LRP2: variants seen among roughly 807,000 people sequenced by gnomAD.
The protein encoded by LRP2 is LDL receptor related protein 2.
In LRP2, 172 loss-of-function variants were observed where a neutral mutation model predicts 531.0. That is an observed-to-expected ratio of 0.32 (90% confidence interval 0.29 to 0.37). The LOEUF is 0.37. Ranked by LOEUF, LRP2 falls within the 10% of genes least tolerant of loss-of-function variation. The probability of loss-of-function intolerance (pLI) is 1.00; values close to 1 mark genes in which losing one functional copy is unlikely to be tolerated. For missense variants in LRP2, 5,167 were observed against 5,868.3 expected (o/e 0.88, Z 3.90); for synonymous variants, 1,992 against 2,027.6 (o/e 0.98, Z 0.47).
Position 169,140,369 on chromosome 2 carries a change from G to C in LRP2, c.13199+86C>G, listed in dbSNP as rs921390868. On this transcript the variant is annotated intron_variant, in intron 72 of 78. Coordinates refer to ENST00000649046, the MANE Select transcript of LRP2 (RefSeq NM_004525.3). ...GAATTAGTGAACTGGTGAGGTTCCTGTATTTGTTTTCCTGGCTACTTTAAG... is the reference window on the plus strand; with the variant it reads ...GAATTAGTGAACTGGTGAGGTTCCTCTATTTGTTTTCCTGGCTACTTTAAG... 49 of 1,016,282 alleles carry C rather than the reference G, an allele frequency of 4.8e-5. No individual in the cohort carries two copies. The African/African-American group carries it at 7.7e-4, about 16-fold the overall frequency. The allele number at this position is 1,016,282 out of a possible 1,614,324, so 63.0% of individuals were successfully genotyped here. A position where few individuals can be genotyped will look rare whatever the true frequency, so the allele number is the denominator to read the frequency against.
intron 17 of LRP2, among the ~76,000 whole-genome samples, chr2:169,258,577 TG>T (rs1331342117): frequency 1.3e-5 from 2 of 152,156 alleles, no homozygotes; most frequent in Non-Finnish European, 2.9e-5. Flanking sequence ...AATTATAGAA[TG>T]GTAAAACATG....
intron 3 of LRP2, among the ~76,000 whole-genome samples, chr2:169,311,813 C>T (rs2105501394): frequency 6.6e-6 from 1 of 152,178 alleles, no homozygotes; most frequent in South Asian, 2.1e-4. Flanking sequence ...TAAAGTCTCC[C>T]ATTATTATTG....
chr2:169,262,775 C>T (rs1175381813), intron 16 of LRP2, among the ~76,000 whole-genome samples: 4 of 151,348 alleles, frequency 2.6e-5, no homozygotes, highest in Non-Finnish European at 5.9e-5. Context: ...CAAAAAAGAG[C>T]CCGCATCGCC....
At chr2:169,351,472 A>C (rs1271991328) in intron 1 of LRP2, among the ~76,000 whole-genome samples, 4 of 152,236 alleles carry the variant, frequency 2.6e-5, no homozygotes, top group African/African-American at 9.6e-5. Context: ...GGTTGGACTT[A>C]AGAACTGGGA....
rs147577659 is a variant in LRP2, at chr2:169,142,274, C to T, written c.13108+400G>A. Among the ~76,000 whole-genome samples, 549 of 152,244 alleles carry T rather than the reference C, an allele frequency of 3.6e-3. 4 individuals carry two copies. The highest frequency in any genetic ancestry group is 0.014 in the East Asian group (73 of 5,190). On this transcript the variant is annotated intron_variant, in intron 71 of 78. Transcript: ENST00000649046. The stretch of plus-strand genomic sequence containing the variant: ...TATAAAGCACTTTTCAAAAGGTAGC[C>T]CTTTTTCAGTTGTCAAAACTGGACA...
chr2:169,338,526 T>C (rs982100739), intron 1 of LRP2, among the ~76,000 whole-genome samples: 2 of 152,142 alleles, frequency 1.3e-5, no homozygotes, highest in Non-Finnish European at 2.9e-5. Flanking sequence ...AGAGTGCTCA[T>C]TTGGCCATGT....
intron 66 of LRP2, among the ~76,000 whole-genome samples, chr2:169,154,053 G>A (rs1259924203): frequency 1.3e-5 from 2 of 152,174 alleles, no homozygotes; most frequent in Non-Finnish European, 2.9e-5. Context: ...GATTCATGGT[G>A]AGCAATCATA....
chr2:169,308,774 T>C (rs1574242786), intron 3 of LRP2, among the ~76,000 whole-genome samples: 1 of 152,184 alleles, frequency 6.6e-6, no homozygotes, highest in Non-Finnish European at 1.5e-5. Flanking sequence ...TATTTCTAGT[T>C]CTAGATCCTT....
chr2:169,165,866 C>T lies in LRP2; in HGVS notation c.11758+66G>A, dbSNP rs115105692. 4.3e-4 allele frequency: 695 copies of T among 1,603,744 alleles called. 1 individual carries two copies. The African/African-American group carries it at 7.3e-3, about 17-fold the overall frequency. ...AGAACAAACTGAAATCCCAGAGGCA[C>T]ATTTTCCAAACTGCAGACCACTTGG... On this transcript the variant is annotated intron_variant, in intron 62 of 78. Transcript: ENST00000649046.
chr2:169,299,088 A>C (rs543376636), intron 4 of LRP2, among the ~76,000 whole-genome samples: 302 of 3,736 alleles, frequency 0.081, 6 homozygotes, highest in African/African-American at 0.17. Context: ...AGAAAGAAGG[A>C]AAGAAAGAAA....
intron 3 of LRP2, among the ~76,000 whole-genome samples, chr2:169,314,060 C>T (rs1395618067): frequency 6.6e-6 from 1 of 152,094 alleles, no homozygotes; most frequent in Non-Finnish European, 1.5e-5. Context: ...AAAATTAGAT[C>T]TGTTAAGGAA....
At chr2:169,201,507 G>A (rs148231119) in intron 44 of LRP2, 121 bp downstream of exon 44, 77 of 1,384,862 alleles carry the variant, frequency 5.6e-5, no homozygotes, top group Middle Eastern at 5.0e-4. Flanking sequence ...AAAAATTTAC[G>A]TTTTAGATAA....
intron 64 of LRP2, 143 bp from the exon 65 acceptor site, chr2:169,156,548 A>G (rs920177486): frequency 5.3e-6 from 5 of 947,840 alleles, no homozygotes; most frequent in Non-Finnish European, 8.4e-6. Context: ...AACATTTGTG[A>G]AACACTAAGT....
rs768849547 is a variant in LRP2, at chr2:169,182,325, A to G, written c.9846-6T>C. 75 of 1,613,184 alleles carry G rather than the reference A, an allele frequency of 4.6e-5. No individual in the cohort carries two copies. The Middle Eastern group carries it at 1.3e-3, about 28-fold the overall frequency. ...CATCCAACCAGTAGAGCTTTCTAAAATGGAGAGCCAGGAGTTAACCAATAC... is the reference window on the plus strand; with the variant it reads ...CATCCAACCAGTAGAGCTTTCTAAAGTGGAGAGCCAGGAGTTAACCAATAC... On this transcript the variant is annotated splice_polypyrimidine_tract_variant and splice_region_variant and intron_variant, in intron 50 of 78. Coordinates refer to ENST00000649046, the MANE Select transcript of LRP2 (RefSeq NM_004525.3).
chr2:169,319,708 A>G (rs1684861223), intron 2 of LRP2, among the ~76,000 whole-genome samples: 1 of 152,222 alleles, frequency 6.6e-6, no homozygotes, highest in Admixed American at 6.5e-5. Context: ...TTCAAAGTGC[A>G]GTCCACAAAC....
At chr2:169,208,213 G>A (rs73035712) in intron 38 of LRP2, among the ~76,000 whole-genome samples, 5 of 152,074 alleles carry the variant, frequency 3.3e-5, no homozygotes, top group African/African-American at 1.2e-4. Context: ...AAATAAATGG[G>A]CATAGCTGTG....
At position 169,279,004 on chromosome 2, in the gene LRP2, T is replaced by C. The variant is rs1366424223; in HGVS notation, c.1565+368A>G. On this transcript the variant is annotated intron_variant, in intron 12 of 78. Coordinates refer to ENST00000649046, the MANE Select transcript of LRP2 (RefSeq NM_004525.3). ...CTAATTCATGTTAGAGTAATCATCT[T>C]AATAATAATGAAGCATAAGTGATGT... Among the ~76,000 whole-genome samples the C allele has an allele frequency of 2.6e-5, 4 of 152,202 alleles. No homozygotes were observed. The East Asian group carries it at 7.7e-4, about 29-fold the overall frequency.
intron 28 of LRP2, 46 bp downstream of exon 28, chr2:169,237,057 C>T (rs767575558): frequency 2.7e-6 from 4 of 1,497,870 alleles, no homozygotes; most frequent in Non-Finnish European, 3.7e-6. Flanking sequence ...GTTTTTCCCT[C>T]ATCATAACCA....
chr2:169,236,987 G>A (rs1414007094), intron 28 of LRP2, 116 bp downstream of exon 28: 1 of 842,890 alleles, frequency 1.2e-6, no homozygotes, highest in African/African-American at 1.7e-5. Context: ...GTTTAAACAA[G>A]GGATCATTTT....
Sources: gnomAD v4.1 joint callset for allele counts (sites outside exome capture counted in the v4.1 genomes callset) on GRCh38, gnomAD v4.1.1 for gene constraint, MANE v1.5 for transcripts, NCBI Gene and HGNC (gene_info 2026-07-23, HGNC 2026-07-21) for gene names.